SLC27A5: variants seen among roughly 807,000 people sequenced by gnomAD.
SLC27A5 encodes long-chain fatty acid transport protein 5.
In SLC27A5, 47 loss-of-function variants were observed where a neutral mutation model predicts 63.1. That is an observed-to-expected ratio of 0.74 (90% CI 0.59 to 0.95). The LOEUF (loss-of-function observed/expected upper bound fraction) is 0.95. SLC27A5 is among the 40% of genes least tolerant of loss of function. The pLI is 0.00. For missense variants in SLC27A5, 940 were observed against 921.0 expected, an observed-to-expected ratio of 1.02 and a Z score of -0.27; for synonymous variants, 391 against 403.8, an observed-to-expected ratio of 0.97 and a Z score of 0.38.
intron 3 of SLC27A5, 88 bp downstream of exon 3, chr19:58,509,759 C>G: frequency 7.9e-7 from 1 of 1,265,858 alleles, no homozygotes; most frequent in South Asian, 1.5e-5. Context: ...GCTGGGTAAC[C>G]TATGGTGTCT....
rs754085869 is a variant in SLC27A5 at position 58,500,506 on chromosome 19, AC to A, written c.1377+5del. ...GCAGCTGCACACCAGGTACCCGCAC[AC>A]TCACTCGGAGGAGGCAGCTCATCTT... On this transcript the variant is annotated splice_donor_5th_base_variant and intron_variant, in intron 5 of 9. Coordinates refer to ENST00000263093, the MANE Select transcript of SLC27A5 (RefSeq NM_012254.3). 1 of 1,613,592 alleles carries A rather than the reference AC, an allele frequency of 6.2e-7. No individual in the cohort carries two copies. Among genetic ancestry groups the A allele is most frequent in the East Asian group, 2.2e-5 (1 of 44,868 alleles).
chr19:58,498,629 G>A lies in SLC27A5; in HGVS notation c.1959C>T (p.Phe653=). Residue 653 remains phenylalanine (F), a synonymous_variant, in exon 10 of 10, where the codon TTC becomes TTT. Coordinates refer to ENST00000263093, the MANE Select transcript of SLC27A5 (RefSeq NM_012254.3). ...GAGGGTCAACCACGATCCCCACATT[G>A]AAGCCCTCACGCACCAACCGGGTCT... ...LMKTRLVREG[F]NVGIVVDPLF... The A allele has an allele frequency of 6.2e-7, 1 of 1,614,138 alleles. No homozygotes were observed. The highest frequency in any genetic ancestry group is 2.2e-5 in the East Asian group (1 of 44,882).
At chr19:58,501,627 G>A (rs567034208) in intron 3 of SLC27A5, among the ~76,000 whole-genome samples, 1 of 152,278 alleles carries the variant, frequency 6.6e-6, no homozygotes, top group South Asian at 2.1e-4. Context: ...AAAGCTCCGT[G>A]CCTGTTATAA....
intron 3 of SLC27A5, among the ~76,000 whole-genome samples, chr19:58,505,096 CA>C (rs1416541811): frequency 3.2e-5 from 4 of 125,032 alleles, no homozygotes; most frequent in Non-Finnish European, 4.8e-5. Context: ...AAACTATTTT[CA>C]CTTTTTTTTT....
Position 58,511,315 on chromosome 19 carries a change from G to A in SLC27A5, c.641C>T (p.Ala214Val), listed in dbSNP as rs113904799. The A allele has an allele frequency of 6.4e-3, 10,234 of 1,588,664 alleles. 42 individuals carry two copies. The highest frequency in any genetic ancestry group is 7.9e-3 in the Non-Finnish European group (9,132 of 1,163,062). Residue 214 changes from alanine to valine, a missense_variant, in exon 1 of 10, where the codon GCG becomes GTG. Physicochemically the swap from Ala to Val is moderately conservative, Grantham distance 64. Coordinates refer to ENST00000263093, the MANE Select transcript of SLC27A5 (RefSeq NM_012254.3). The part of the protein sequence containing the change: ...INPHGRGMPL[A>V]HSVLSSGARV... ...GGCCCCAGAGCTCAGCACAGAGTGC[G>A]CCAGGGGCATCCCCCGGCCATGCGG...
chr19:58,502,852 T>TA (rs1327618773), intron 3 of SLC27A5, among the ~76,000 whole-genome samples: 1 of 149,036 alleles, frequency 6.7e-6, no homozygotes, highest in Non-Finnish European at 1.5e-5. Flanking sequence ...GGTGGACAGT[T>TA]AGAGTAGTGA....
rs1258398404 is a variant in SLC27A5, at chr19:58,510,838, C to A, written c.781G>T (p.Val261Leu). ...YLSHTSPTPG[V>L]GALGAALDAA... is the part of the protein sequence containing the mutation. Reference sequence around the variant, plus strand: ...TCCAGGGCAGCCCCCAGAGCCCCCACCCCTGGTGTAGGGGAGGTATGGCTG... The same window carrying A: ...TCCAGGGCAGCCCCCAGAGCCCCCAACCCTGGTGTAGGGGAGGTATGGCTG... The change falls in exon 2 of 10, where the codon GTG (valine) becomes TTG (leucine). Residue 261 changes from valine (V) to leucine (L), a missense_variant. Transcript: ENST00000263093. 3 of 1,613,250 alleles carry A rather than the reference C, an allele frequency of 1.9e-6. No individual in the cohort carries two copies. Among genetic ancestry groups the A allele is most frequent in the South Asian group, 1.1e-5 (1 of 90,878 alleles).
intron 3 of SLC27A5, among the ~76,000 whole-genome samples, chr19:58,504,581 G>GCC (rs2053321461): frequency 2.5e-5 from 3 of 121,162 alleles, no homozygotes; most frequent in Non-Finnish European, 3.5e-5. Context: ...CCTGGGGGGG[G>GCC]GGGGGGGGCG....
At chr19:58,500,755 G>A (rs770130138) in intron 4 of SLC27A5, 49 bp from the exon 5 acceptor site, 3 of 1,592,706 alleles carry the variant, frequency 1.9e-6, no homozygotes, top group Non-Finnish European at 2.6e-6. Context: ...CTTGGGGCAT[G>A]CCTTGGAACC....
chr19:58,502,688 TA>T (rs1759225604), intron 3 of SLC27A5, among the ~76,000 whole-genome samples: 1 of 146,586 alleles, frequency 6.8e-6, no homozygotes, highest in African/African-American at 2.5e-5. Context: ...AGTGAGTGAG[TA>T]GATGGATGGG....
In SLC27A5 at chr19:58,511,592, G is replaced by A. The variant is rs751156372; in HGVS notation, c.364C>T (p.Arg122Trp). 28 of 1,580,692 alleles carry A rather than the reference G, an allele frequency of 1.8e-5. No homozygotes were observed. Among genetic ancestry groups the A allele is most frequent in the East Asian group, 4.6e-5 (2 of 43,738 alleles). The change falls in exon 1 of 10, where the codon CGG becomes TGG. Residue 122 changes from arginine to tryptophan, a missense_variant. By Grantham distance (101) the Arg-to-Trp change is moderately radical. Coordinates refer to ENST00000263093, the MANE Select transcript of SLC27A5 (RefSeq NM_012254.3). ...PPDTFVDAFE[R>W]RARAQPGRAL... ...CTGCCAGGCTGCGCTCGTGCTCGCC[G>A]CTCGAAGGCATCTACAAAGGTGTCA...
intron 2 of SLC27A5, 157 bp from the exon 3 acceptor site, chr19:58,510,162 G>A (rs2122527260): frequency 1.6e-6 from 1 of 628,110 alleles, no homozygotes; most frequent in Non-Finnish European, 2.6e-6. Context: ...TTCACAGGCT[G>A]AATTTGGACT....
chr19:58,501,865 C>T (rs1194069518), intron 3 of SLC27A5, among the ~76,000 whole-genome samples: 13 of 152,140 alleles, frequency 8.5e-5, no homozygotes, highest in African/African-American at 2.4e-4. Flanking sequence ...TAAGTACAGA[C>T]GGGGTTTCAC....
chr19:58,500,276 G>T, intron 6 of SLC27A5, 63 bp downstream of exon 6: 1 of 1,387,490 alleles, frequency 7.2e-7, no homozygotes. Context: ...GCTCGTTCCA[G>T]CCAAGCAGAA....
rs377610891 is a variant in SLC27A5, at chr19:58,511,582, C to T, written c.374G>A (p.Arg125Gln). 1.7e-5 allele frequency: 26 copies of T among 1,571,024 alleles called. No individual in the cohort carries two copies. The highest frequency in any genetic ancestry group is 1.7e-4 in the Middle Eastern group (1 of 5,732). The change falls in exon 1 of 10, where the codon CGA becomes CAA. Residue 125 changes from arginine (R) to glutamine (Q), a missense_variant. Arg to Gln is a conservative substitution (Grantham distance 43, BLOSUM62 1). Transcript: ENST00000263093. ...CAAGAGTGCCCTGCCAGGCTGCGCT[C>T]GTGCTCGCCGCTCGAAGGCATCTAC... is the stretch of plus-strand genomic sequence containing the variant. ...TFVDAFERRA[R>Q]AQPGRALLVW...
rs372223695 is a variant in SLC27A5, at chr19:58,500,544, C to G, written c.1345G>C (p.Gly449Arg). ...MGLVNYVGRC[G>R]ALGKMSCLLR... ...AGGCAGCTCATCTTGCCCAGGGCCC[C>G]GCAGCGCCCCACATAGTTGACTAAG... Residue 449 changes from glycine (G) to arginine (R), a missense_variant, in exon 5 of 10, where the codon GGG (glycine) becomes CGG (arginine). Physicochemically the swap from Gly to Arg is moderately radical, Grantham distance 125. Transcript: ENST00000263093. 1.9e-6 allele frequency: 3 copies of G among 1,613,908 alleles called. No individual in the cohort carries two copies. In the African/African-American group the frequency reaches 4.0e-5, roughly 22 times the overall value.
At chr19:58,500,264 C>A (rs2053258475) in intron 6 of SLC27A5, 75 bp downstream of exon 6, 2 of 1,254,194 alleles carry the variant, frequency 1.6e-6, no homozygotes, top group African/African-American at 2.9e-5. Context: ...AGCTTTTGAG[C>A]AGCTCGTTCC....
At chr19:58,502,565 G>A (rs894503491) in intron 3 of SLC27A5, among the ~76,000 whole-genome samples, 3 of 83,444 alleles carry the variant, frequency 3.6e-5, no homozygotes, top group Admixed American at 3.3e-4. Flanking sequence ...ATGGATGGGT[G>A]GACAGTTAGA....
chr19:58,498,766 C>G lies in SLC27A5; in HGVS notation c.1896+19G>C, dbSNP rs1457518488. 5.6e-6 allele frequency: 9 copies of G among 1,612,422 alleles called. No homozygotes were observed. Among genetic ancestry groups the G allele is most frequent in the Non-Finnish European group, 6.8e-6 (8 of 1,178,814 alleles). ...TGGCTATGATCTTCCACCCACCCAC[C>G]AGGCCACCCTGGGCTCACCTGGATG... On this transcript the variant is annotated intron_variant, in intron 9 of 9. Coordinates refer to ENST00000263093, the MANE Select transcript of SLC27A5 (RefSeq NM_012254.3).
Sources: gnomAD v4.1 joint callset for allele counts (sites outside exome capture counted in the v4.1 genomes callset) on GRCh38, gnomAD v4.1.1 for gene constraint, MANE v1.5 for transcripts, NCBI Gene and HGNC (gene_info 2026-07-23, HGNC 2026-07-21) for gene names.